Variants in NTNG1 observed in about 807,000 individuals in gnomAD.
NTNG1 encodes the protein netrin G1.
Under a neutral mutation model 54.0 loss-of-function variants are expected in NTNG1, and 16 were observed. The ratio of observed to expected loss-of-function variants is 0.30; its 90% confidence interval spans 0.20 to 0.45. The LOEUF is 0.45. Among genes scored for constraint, NTNG1 ranks in the 20% least tolerant of loss-of-function variants. The pLI, the probability that NTNG1 is intolerant of heterozygous loss-of-function variation, is 1.00. For missense variants in NTNG1, 530 were observed against 678.7 expected (o/e 0.78, Z 2.43); for synonymous variants, 255 against 263.1 (o/e 0.97, Z 0.30).
intron 2 of NTNG1, among the ~76,000 whole-genome samples, chr1:107,165,105 G>T (rs914805501): frequency 1.3e-5 from 2 of 152,134 alleles, no homozygotes; most frequent in African/African-American, 4.8e-5. Flanking sequence ...AGTGACTCAG[G>T]ATGGAGCAAG....
At chr1:107,318,816 C>G (rs532295265) in intron 2 of NTNG1, among the ~76,000 whole-genome samples, 82 of 152,154 alleles carry the variant, frequency 5.4e-4, no homozygotes, top group African/African-American at 1.9e-3. Flanking sequence ...CCCAGCATAC[C>G]AGTTAACAAG....
At chr1:107,395,898 A>G (rs1433819735) in intron 4 of NTNG1, among the ~76,000 whole-genome samples, 2 of 152,274 alleles carry the variant, frequency 1.3e-5, no homozygotes, top group African/African-American at 4.8e-5. Flanking sequence ...GATAAAGAGC[A>G]TGACTGTAGG....
chr1:107,338,250 C>T (rs1668699725), intron 3 of NTNG1, among the ~76,000 whole-genome samples: 1 of 151,898 alleles, frequency 6.6e-6, no homozygotes, highest in Non-Finnish European at 1.5e-5. Flanking sequence ...TTTAATAATA[C>T]AGAAAGTAGG....
At chr1:107,405,093 T>C (rs1388908547) in intron 4 of NTNG1, among the ~76,000 whole-genome samples, 2 of 152,172 alleles carry the variant, frequency 1.3e-5, no homozygotes, top group African/African-American at 4.8e-5. Context: ...CCTCAAGTGT[T>C]TGAGGAATTT....
intron 2 of NTNG1, among the ~76,000 whole-genome samples, chr1:107,270,533 C>T (rs1473973787): frequency 2.6e-5 from 4 of 152,164 alleles, no homozygotes; most frequent in Non-Finnish European, 5.9e-5. Flanking sequence ...ACACTCAATA[C>T]ATATTTACCA....
At chr1:107,451,169 A>G (rs1263587653) in intron 7 of NTNG1, among the ~76,000 whole-genome samples, 1 of 143,542 alleles carries the variant, frequency 7.0e-6, no homozygotes, top group Non-Finnish European at 1.5e-5. Context: ...GGCTATTCTT[A>G]GCAAGTTCAT....
intron 1 of NTNG1, among the ~76,000 whole-genome samples, chr1:107,144,789 T>C (rs1320433942): frequency 6.6e-6 from 1 of 152,066 alleles, no homozygotes; most frequent in Non-Finnish European, 1.5e-5. Context: ...TCTGCAAATT[T>C]ATACACCGGA....
chr1:107,289,924 T>C (rs1665471324), intron 2 of NTNG1, among the ~76,000 whole-genome samples: 1 of 152,230 alleles, frequency 6.6e-6, no homozygotes. Flanking sequence ...TATTTTCATA[T>C]GAAATCATAT....
intron 3 of NTNG1, among the ~76,000 whole-genome samples, chr1:107,335,516 A>G (rs886196086): frequency 6.6e-5 from 10 of 151,964 alleles, no homozygotes; most frequent in African/African-American, 2.4e-4. Flanking sequence ...TTCATTATAT[A>G]CTCTTAAGTG....
intron 7 of NTNG1, among the ~76,000 whole-genome samples, chr1:107,455,789 CG>C (rs1167798470): frequency 1.3e-5 from 2 of 152,236 alleles, no homozygotes; most frequent in Non-Finnish European, 2.9e-5. Context: ...TCTGTTGCCC[CG>C]GAGACAGGAA....
At chr1:107,474,694 A>G (rs1678201028) in intron 7 of NTNG1, among the ~76,000 whole-genome samples, 1 of 152,188 alleles carries the variant, frequency 6.6e-6, no homozygotes. Flanking sequence ...TTGTTGCACC[A>G]TAACATGGCA....
intron 2 of NTNG1, among the ~76,000 whole-genome samples, chr1:107,192,903 A>G (rs1217570992): frequency 6.6e-6 from 1 of 152,100 alleles, no homozygotes; most frequent in East Asian, 1.9e-4. Flanking sequence ...CTGAAAAATG[A>G]GAATCATTGA....
chr1:107,354,785 C>A (rs1408908898), intron 3 of NTNG1, among the ~76,000 whole-genome samples: 1 of 152,150 alleles, frequency 6.6e-6, no homozygotes, highest in East Asian at 1.9e-4. Flanking sequence ...CATCCGCTTC[C>A]ACTGGACACT....
At chr1:107,417,963 G>A (rs1409305332) in intron 5 of NTNG1, among the ~76,000 whole-genome samples, 2 of 152,002 alleles carry the variant, frequency 1.3e-5, no homozygotes, top group African/African-American at 4.8e-5. Context: ...AAGGCATCAT[G>A]AAAACACATA....
chr1:107,350,541 C>T (rs975812310), intron 3 of NTNG1, among the ~76,000 whole-genome samples: 3 of 152,136 alleles, frequency 2.0e-5, no homozygotes, highest in Non-Finnish European at 4.4e-5. Context: ...ATCTGCACTC[C>T]CTTGTTCACT....
At chr1:107,423,361 A>G (rs1299099755) in intron 5 of NTNG1, among the ~76,000 whole-genome samples, 1 of 152,030 alleles carries the variant, frequency 6.6e-6, no homozygotes, top group Non-Finnish European at 1.5e-5. Flanking sequence ...CTAGTCATCT[A>G]GTCCGTAGAG....
At chr1:107,270,357 G>T (rs563910763) in intron 2 of NTNG1, among the ~76,000 whole-genome samples, 1 of 152,156 alleles carries the variant, frequency 6.6e-6, no homozygotes, top group East Asian at 1.9e-4. Context: ...TGATGTCAAA[G>T]TTCAGGCTTT....
Position 107,361,374 on chromosome 1 carries a change from C to CATATACAT in NTNG1, c.888-33775_888-33774insCATATATA, listed in dbSNP as rs1553232704. Among the ~76,000 whole-genome samples, 8 of 87,966 alleles carry CATATACAT rather than the reference C, an allele frequency of 9.1e-5. No individual in the cohort carries two copies. In the South Asian group the frequency reaches 2.4e-3, roughly 26 times the overall value. The allele number at this position is 87,966 out of a possible 152,430, so 57.7% of individuals were successfully genotyped here. On this transcript the variant is annotated intron_variant, in intron 3 of 7. Transcript: ENST00000370068. ...ACATTATATAACATATATATATATA[C>CATATACAT]ATATATATATATATATATTTTTTTT...
chr1:107,167,284 A>C (rs1465012592), intron 2 of NTNG1, among the ~76,000 whole-genome samples: 3 of 151,990 alleles, frequency 2.0e-5, no homozygotes, highest in Admixed American at 2.0e-4. Context: ...ACCGAGAAGA[A>C]CTTTATTTTA....
Sources: gnomAD v4.1 joint callset for allele counts (sites outside exome capture counted in the v4.1 genomes callset) on GRCh38, gnomAD v4.1.1 for gene constraint, MANE v1.5 for transcripts, NCBI Gene and HGNC (gene_info 2026-07-23, HGNC 2026-07-21) for gene names.